TUT1: variants seen among roughly 807,000 people sequenced by gnomAD.
TUT1 encodes the protein speckle targeted PIP5K1A-regulated poly(A) polymerase.
In TUT1, 26 loss-of-function variants were observed where a neutral mutation model predicts 48.8. That is an observed-to-expected ratio of 0.53 (90% confidence interval 0.39 to 0.74). The LOEUF (loss-of-function observed/expected upper bound fraction) is 0.74. Ranked by LOEUF, TUT1 falls within the 30% of genes least tolerant of loss-of-function variation. The pLI is 0.00. For missense variants in TUT1, 1,065 were observed against 1,114.8 expected, an observed-to-expected ratio of 0.96 and a Z score of 0.64; for synonymous variants, 470 against 460.8, an observed-to-expected ratio of 1.02 and a Z score of -0.26.
intron 2 of TUT1, among the ~76,000 whole-genome samples, chr11:62,586,728 G>C (rs920087328): frequency 6.6e-6 from 1 of 151,908 alleles, no homozygotes; most frequent in East Asian, 2.0e-4. Flanking sequence ...CCAGCCTGGC[G>C]AACATGGTGA....
At chr11:62,586,153 T>A (rs1941911497) in intron 2 of TUT1, among the ~76,000 whole-genome samples, 1 of 152,242 alleles carries the variant, frequency 6.6e-6, no homozygotes, top group Admixed American at 6.5e-5. Flanking sequence ...GGAGCCTGTG[T>A]CCTTGCCATT....
At chr11:62,581,042 G>T in intron 4 of TUT1, 64 bp downstream of exon 4, 1 of 1,287,742 alleles carries the variant, frequency 7.8e-7, no homozygotes, top group Non-Finnish European at 1.1e-6. Flanking sequence ...TAAAGGACTT[G>T]CCCACAGTCA....
chr11:62,591,339 T>C (rs1487727328), intron 1 of TUT1, 65 bp downstream of exon 1: 7 of 1,492,706 alleles, frequency 4.7e-6, no homozygotes, highest in Non-Finnish European at 6.2e-6. Context: ...TAACCCTAAC[T>C]TTCGCCAGGA....
At chr11:62,585,288 AC>A (rs1459586722) in intron 2 of TUT1, among the ~76,000 whole-genome samples, 1 of 152,140 alleles carries the variant, frequency 6.6e-6, no homozygotes, top group East Asian at 1.9e-4. Flanking sequence ...GCGCAGACTT[AC>A]TTCTACCCCT....
chr11:62,580,756 C>T (rs1046209601), intron 4 of TUT1, among the ~76,000 whole-genome samples: 12 of 151,594 alleles, frequency 7.9e-5, no homozygotes. Flanking sequence ...GTGTACACCA[C>T]ACACCCAGCT....
chr11:62,576,378 C>A, intron 8 of TUT1, 134 bp from the exon 9 acceptor site: 6 of 1,147,388 alleles, frequency 5.2e-6, no homozygotes, highest in Non-Finnish European at 7.2e-6. Flanking sequence ...GGAAGCTAGG[C>A]TTCTCTGATC....
rs765172205 is a variant in TUT1 at position 62,575,588 on chromosome 11, G to T, written c.2131C>A (p.Pro711Thr). The T allele has an allele frequency of 6.2e-7, 1 of 1,614,098 alleles. No individual in the cohort carries two copies. Among genetic ancestry groups the T allele is most frequent in the South Asian group, 1.1e-5 (1 of 91,078 alleles). Residue 711 changes from proline to threonine, a missense_variant, in exon 9 of 9, where the codon CCA becomes ACA. Pro to Thr is a conservative substitution (Grantham distance 38, BLOSUM62 -1). Coordinates refer to ENST00000476907, the MANE Select transcript of TUT1 (RefSeq NM_022830.3). Reference protein sequence around the residue: ...QDWAMQSPGQPGDLPLTTGKH... With the variant: ...QDWAMQSPGQTGDLPLTTGKH... ...CCAGTGGTCAGGGGCAGGTCCCCTG[G>T]CTGCCCAGGGCTCTGCATGGCCCAG...
chr11:62,581,939 A>G (rs1358515503), intron 2 of TUT1, among the ~76,000 whole-genome samples: 1 of 152,046 alleles, frequency 6.6e-6, no homozygotes, highest in East Asian at 1.9e-4. Context: ...TGAGCCCAGG[A>G]GTTGGAGACC....
chr11:62,580,351 T>C (rs1291897455), intron 4 of TUT1, among the ~76,000 whole-genome samples: 1 of 151,634 alleles, frequency 6.6e-6, no homozygotes, highest in African/African-American at 2.4e-5. Flanking sequence ...TCCGAGCTAC[T>C]TGGGAGGCTG....
rs1429289189 is a variant in TUT1, at chr11:62,578,745, G to C, written c.976C>G (p.Leu326Val). 1 of 1,614,168 alleles carries C rather than the reference G, an allele frequency of 6.2e-7. No individual in the cohort carries two copies. ...EEGDLGKASE[L>V]AETPKEEKAE... ...TTCTCCTCCTTTGGGGTCTCTGCTA[G>C]TTCCGAGGCCTTCCCCAGGTCCCCC... Residue 326 changes from leucine to valine, a missense_variant, in exon 5 of 9, where the codon CTA becomes GTA. Coordinates refer to ENST00000476907, the MANE Select transcript of TUT1 (RefSeq NM_022830.3).
At chr11:62,585,863 C>T (rs1369066161) in intron 2 of TUT1, among the ~76,000 whole-genome samples, 1 of 152,042 alleles carries the variant, frequency 6.6e-6, no homozygotes, top group African/African-American at 2.4e-5. Context: ...AATCCCAGCA[C>T]TTTGGGAGGC....
At chr11:62,590,493 C>T (rs532489307) in intron 1 of TUT1, among the ~76,000 whole-genome samples, 1 of 152,186 alleles carries the variant, frequency 6.6e-6, no homozygotes, top group East Asian at 1.9e-4. Context: ...AAAAATTAGC[C>T]GGGCGTGGTG....
At chr11:62,581,304 C>T (rs1246604864) in intron 3 of TUT1, 82 bp downstream of exon 3, 1 of 1,561,154 alleles carries the variant, frequency 6.4e-7, no homozygotes, top group Non-Finnish European at 8.7e-7. Flanking sequence ...CCAAACACCT[C>T]TAGCGGAGGA....
Position 62,576,170 on chromosome 11 carries a change from C to T in TUT1, c.1549G>A (p.Gly517Ser), listed in dbSNP as rs372663009. The change falls in exon 9 of 9, where the codon GGT becomes AGT. Residue 517 changes from glycine to serine, a missense_variant. Transcript: ENST00000476907. ...LRGSLLSLRE[G>S]QALPVAGGLP... Reference sequence around the variant, plus strand: ...CCCCCTGCCACAGGCAGTGCCTGACCCTCCCGCAGGGACAGCAGGGAGCCA... The same window carrying T: ...CCCCCTGCCACAGGCAGTGCCTGACTCTCCCGCAGGGACAGCAGGGAGCCA... 3 of 1,613,302 alleles carry T rather than the reference C, an allele frequency of 1.9e-6. No individual in the cohort carries two copies. The highest frequency in any genetic ancestry group is 1.7e-5 in the Admixed American group (1 of 59,858).
chr11:62,580,601 C>CTTTTTT (rs1220183156), intron 4 of TUT1, among the ~76,000 whole-genome samples: 12 of 111,956 alleles, frequency 1.1e-4, no homozygotes, highest in East Asian at 4.9e-4. Flanking sequence ...CATGTCAATT[C>CTTTTTT]TTTTTTTTTT....
intron 8 of TUT1, 55 bp from the exon 9 acceptor site, chr11:62,576,299 A>G (rs1941726888): frequency 1.4e-6 from 2 of 1,465,606 alleles, no homozygotes; most frequent in South Asian, 2.8e-5. Context: ...CAGAACTGAT[A>G]CAGGTCCTGC....
rs753633447 is a variant in TUT1 at position 62,581,614 on chromosome 11, G to A, written c.361C>T (p.Leu121=). The A allele has an allele frequency of 4.4e-5, 70 of 1,588,100 alleles. No individual in the cohort carries two copies. The highest frequency in any genetic ancestry group is 5.8e-5 in the Non-Finnish European group (68 of 1,165,840). Residue 121 remains leucine (L), a synonymous_variant, in exon 3 of 9, where the codon CTG becomes TTG. Transcript: ENST00000476907. ...TTCTGCTCCCGTGGGCGGACACGCA[G>A]GCGATGTCCTCCCAGGCTGTGCTGG... ...QSQHSLGGHR[L]RVRPREQKEF... is the part of the protein sequence containing the mutation.
chr11:62,578,227 C>A (rs1428295014), intron 5 of TUT1, among the ~76,000 whole-genome samples: 1 of 151,970 alleles, frequency 6.6e-6, no homozygotes, highest in Admixed American at 6.6e-5. Flanking sequence ...GCCAGACTCT[C>A]CTGGCCCATC....
chr11:62,582,630 C>T (rs904194278), intron 2 of TUT1: 3 of 452,844 alleles, frequency 6.6e-6, no homozygotes, highest in South Asian at 4.7e-5. Context: ...TTCTTTCCCT[C>T]ACTCCTATTC....
Sources: gnomAD v4.1 joint callset for allele counts (sites outside exome capture counted in the v4.1 genomes callset) on GRCh38, gnomAD v4.1.1 for gene constraint, MANE v1.5 for transcripts, NCBI Gene and HGNC (gene_info 2026-07-23, HGNC 2026-07-21) for gene names.